SLC24A3: variants seen among roughly 807,000 people sequenced by gnomAD.
The protein encoded by SLC24A3 is solute carrier family 24 member 3.
Under a neutral mutation model 75.8 loss-of-function variants are expected in SLC24A3, and 28 were observed. That is an observed-to-expected ratio of 0.37 (90% CI 0.27 to 0.51). SLC24A3 has a LOEUF of 0.51. Among genes scored for constraint, SLC24A3 ranks in the 20% least tolerant of loss-of-function variants. The pLI, the probability that SLC24A3 is intolerant of heterozygous loss-of-function variation, is 0.94. For missense variants in SLC24A3, 663 were observed against 847.8 expected (o/e 0.78, Z 2.71); for synonymous variants, 372 against 334.1 (o/e 1.11, Z -1.24).
intron 1 of SLC24A3, among the ~76,000 whole-genome samples, chr20:19,254,258 C>A (rs568221498): frequency 6.6e-6 from 1 of 152,282 alleles, no homozygotes; most frequent in South Asian, 2.1e-4. Flanking sequence ...TTTGTGAGGT[C>A]ACCTCACATG....
chr20:19,585,377 C>T, intron 5 of SLC24A3, 64 bp from the exon 6 acceptor site: 1 of 1,485,628 alleles, frequency 6.7e-7, no homozygotes, highest in Non-Finnish European at 9.3e-7. Context: ...GAAAGGTTCC[C>T]CATGCCCACC....
At chr20:19,719,065 C>T (rs1479132711) in intron 16 of SLC24A3, among the ~76,000 whole-genome samples, 2 of 152,096 alleles carry the variant, frequency 1.3e-5, no homozygotes, top group East Asian at 3.9e-4. Flanking sequence ...TCCTGGAAGC[C>T]ACCTGCTGGA....
chr20:19,641,510 A>G (rs1158227028), intron 6 of SLC24A3, among the ~76,000 whole-genome samples: 2 of 152,188 alleles, frequency 1.3e-5, no homozygotes, highest in Non-Finnish European at 2.9e-5. Context: ...TGAAGCATGT[A>G]CAAAATGCGC....
At chr20:19,290,508 T>C (rs1983915425) in intron 2 of SLC24A3, among the ~76,000 whole-genome samples, 2 of 152,172 alleles carry the variant, frequency 1.3e-5, no homozygotes, top group South Asian at 4.1e-4. Context: ...CCCTTCCACC[T>C]TGTGAGGCTA....
intron 2 of SLC24A3, among the ~76,000 whole-genome samples, chr20:19,513,510 C>G (rs940693156): frequency 2.0e-5 from 3 of 152,174 alleles, no homozygotes; most frequent in African/African-American, 4.8e-5. Flanking sequence ...ATTTCCAGAT[C>G]GTGGCTTCAT....
rs2031277577 is a variant in SLC24A3 at position 19,585,146 on chromosome 20, C to T, written c.508+91C>T. On this transcript the variant is annotated intron_variant, in intron 5 of 16. Coordinates refer to ENST00000328041, the MANE Select transcript of SLC24A3 (RefSeq NM_020689.4). The stretch of plus-strand genomic sequence containing the variant: ...ATGGCCCCCAGACCGAGATTGTCTG[C>T]CACTCATAGAAAATGATAATCCAGG... The T allele has an allele frequency of 1.1e-5, 13 of 1,151,244 alleles. No individual in the cohort carries two copies. In the South Asian group the frequency reaches 1.8e-4, roughly 16 times the overall value. The allele number at this position is 1,151,244 out of a possible 1,614,324, so 71.3% of individuals were successfully genotyped here.
At chr20:19,395,634 C>G (rs769326460) in intron 2 of SLC24A3, among the ~76,000 whole-genome samples, 2 of 152,194 alleles carry the variant, frequency 1.3e-5, no homozygotes, top group Non-Finnish European at 2.9e-5. Flanking sequence ...GCTCTAGTAA[C>G]TAAACGCTGA....
At chr20:19,488,391 A>G (rs994040101) in intron 2 of SLC24A3, among the ~76,000 whole-genome samples, 6 of 152,246 alleles carry the variant, frequency 3.9e-5, no homozygotes, top group Non-Finnish European at 8.8e-5. Flanking sequence ...CTGGAAAACA[A>G]AACAAACAGG....
intron 2 of SLC24A3, among the ~76,000 whole-genome samples, chr20:19,366,512 C>T (rs905360016): frequency 2.0e-4 from 30 of 152,152 alleles, no homozygotes; most frequent in African/African-American, 6.3e-4. Context: ...CACTGCTTCC[C>T]ATCTATCCCT....
chr20:19,324,518 A>G (rs1984792677), intron 2 of SLC24A3, among the ~76,000 whole-genome samples: 1 of 152,146 alleles, frequency 6.6e-6, no homozygotes, highest in African/African-American at 2.4e-5. Context: ...TCACAGTCCC[A>G]TGTCCCCCAG....
chr20:19,327,275 G>A (rs1163320252), intron 2 of SLC24A3, among the ~76,000 whole-genome samples: 3 of 152,188 alleles, frequency 2.0e-5, no homozygotes, highest in Admixed American at 6.5e-5. Context: ...GGAGAGTGAC[G>A]GAGCAGCAGG....
chr20:19,338,041 G>A (rs1044749846), intron 2 of SLC24A3, among the ~76,000 whole-genome samples: 2 of 152,106 alleles, frequency 1.3e-5, no homozygotes, highest in African/African-American at 4.8e-5. Context: ...AATTGCAAAG[G>A]GCGTGGATAC....
rs185087138 is a variant in SLC24A3 at position 19,593,205 on chromosome 20, G to A, written c.612+7661G>A. 1.2e-4 allele frequency among the ~76,000 whole-genome samples: 19 copies of A among 152,298 alleles called. No homozygotes were observed. In the East Asian group the frequency reaches 2.9e-3, roughly 23 times the overall value. ...GGGCACAAATGTCATTTCTTTCCAT[G>A]ACACCACATTCCCCACACTGCCTCC... is the stretch of plus-strand genomic sequence containing the variant. On this transcript the variant is annotated intron_variant, in intron 6 of 16. Coordinates refer to ENST00000328041, the MANE Select transcript of SLC24A3 (RefSeq NM_020689.4).
At chr20:19,397,370 G>A (rs964309172) in intron 2 of SLC24A3, among the ~76,000 whole-genome samples, 31 of 152,086 alleles carry the variant, frequency 2.0e-4, no homozygotes, top group South Asian at 4.1e-4. Flanking sequence ...TTGAGATGGC[G>A]TTATCTTGAC....
chr20:19,416,337 C>T (rs935608202), intron 2 of SLC24A3, among the ~76,000 whole-genome samples: 1 of 152,222 alleles, frequency 6.6e-6, no homozygotes, highest in African/African-American at 2.4e-5. Context: ...AGCCTGCATT[C>T]GTAACCACCC....
rs146086347 is a variant in SLC24A3 at position 19,327,388 on chromosome 20, C to T, written c.271+46301C>T. ...AAGTGCCCTCAGGTAGAGATGCCAACGGATGGAACATATGAGCAACAAATG... is the reference window on the plus strand; with the variant it reads ...AAGTGCCCTCAGGTAGAGATGCCAATGGATGGAACATATGAGCAACAAATG... On this transcript the variant is annotated intron_variant, in intron 2 of 16. Transcript: ENST00000328041. Among the ~76,000 whole-genome samples the T allele has an allele frequency of 2.9e-3, 445 of 152,296 alleles. 3 individuals carry two copies. Among genetic ancestry groups the T allele is most frequent in the African/African-American group, 8.2e-3 (339 of 41,568 alleles).
chr20:19,579,211 T>G (rs1320655828), intron 3 of SLC24A3, among the ~76,000 whole-genome samples: 1 of 152,092 alleles, frequency 6.6e-6, no homozygotes, highest in Non-Finnish European at 1.5e-5. Context: ...AGAAGGATGT[T>G]GAGTGGTCAG....
intron 2 of SLC24A3, among the ~76,000 whole-genome samples, chr20:19,424,162 A>C (rs1328500342): frequency 6.6e-6 from 1 of 152,160 alleles, no homozygotes; most frequent in Admixed American, 6.5e-5. Context: ...GCAGAAACCA[A>C]ATACCCAAGA....
At chr20:19,560,290 G>T (rs2030855319) in intron 3 of SLC24A3, among the ~76,000 whole-genome samples, 1 of 152,216 alleles carries the variant, frequency 6.6e-6, no homozygotes, top group African/African-American at 2.4e-5. Flanking sequence ...ATCGTCCCAA[G>T]GAGGGTGGAG....
Sources: allele counts gnomAD v4.1 joint callset (sites outside exome capture counted in the v4.1 genomes callset), GRCh38; gene constraint gnomAD v4.1.1; transcripts MANE v1.5; gene names NCBI Gene and HGNC (gene_info 2026-07-23, HGNC 2026-07-21).